The following KLHL14 variants were observed in gnomAD, a reference collection of about 807,000 sequenced individuals.
KLHL14 encodes the protein kelch-like protein 14.
A neutral mutation model predicts 64.3 loss-of-function variants in KLHL14; 22 were observed. That is an observed-to-expected ratio of 0.34 (90% CI 0.24 to 0.49). The LOEUF (loss-of-function observed/expected upper bound fraction) is 0.49. KLHL14 is among the 20% of genes least tolerant of loss of function. KLHL14 has a pLI of 0.99. For missense variants in KLHL14, 661 were observed against 789.0 expected, an observed-to-expected ratio of 0.84 and a Z score of 1.94; for synonymous variants, 322 against 333.4, an observed-to-expected ratio of 0.97 and a Z score of 0.37.
chr18:32,719,907 C>A (rs998074275), intron 3 of KLHL14, among the ~76,000 whole-genome samples: 1 of 152,168 alleles, frequency 6.6e-6, no homozygotes, highest in Non-Finnish European at 1.5e-5. Context: ...GCAGCCTGTA[C>A]CTACTTCAAT....
At chr18:32,724,632 G>T (rs1378676526) in intron 3 of KLHL14, among the ~76,000 whole-genome samples, 1 of 152,112 alleles carries the variant, frequency 6.6e-6, no homozygotes, top group Non-Finnish European at 1.5e-5. Context: ...TATTTAATGG[G>T]ATAATTTATG....
Position 32,680,638 on chromosome 18 carries a change from C to T in KLHL14, c.1239-39G>A. On this transcript the variant is annotated intron_variant, in intron 5 of 8. Transcript: ENST00000359358. This position sits in a 1 kb window ranked among gnomAD's most constrained non-coding sequence, Gnocchi z 4.8. The stretch of plus-strand genomic sequence containing the variant: ...AACCCACAGTAAATCACAAGAGGAG[C>T]TGTGAAATGTTACCTTTCGAAATAA... The T allele has an allele frequency of 1.3e-6, 2 of 1,547,796 alleles. No individual in the cohort carries two copies. Among genetic ancestry groups the T allele is most frequent in the Non-Finnish European group, 1.7e-6 (2 of 1,143,736 alleles).
chr18:32,688,728 A>G (rs904349272), intron 4 of KLHL14, among the ~76,000 whole-genome samples: 1 of 152,188 alleles, frequency 6.6e-6, no homozygotes, highest in Non-Finnish European at 1.5e-5. Context: ...AGGATTTTAT[A>G]TTTTGTTATA....
intron 2 of KLHL14, among the ~76,000 whole-genome samples, chr18:32,752,301 G>A (rs534652645): frequency 9.9e-5 from 15 of 152,180 alleles, no homozygotes; most frequent in African/African-American, 3.4e-4. Flanking sequence ...TTCAGTCAGT[G>A]GGGTGGAGGT....
intron 2 of KLHL14, among the ~76,000 whole-genome samples, chr18:32,745,880 G>C (rs1284478617): frequency 6.6e-6 from 1 of 152,186 alleles, no homozygotes; most frequent in Non-Finnish European, 1.5e-5. Context: ...CTGTGAACTA[G>C]AAAAGTAAAA....
rs998539578 is a variant in KLHL14, at chr18:32,674,098, T to G, written c.*559A>C. On this transcript the variant is annotated 3_prime_UTR_variant, in exon 9 of 9. Transcript: ENST00000359358. ...AGGGCAGAAGGTGTATGAAATGAAG[T>G]TGTATAGAAACGAAAATGCCTCTCT... The G allele has an allele frequency of 6.6e-6, 1 of 152,306 alleles. No homozygotes were observed. Among genetic ancestry groups the G allele is most frequent in the African/African-American group, 2.4e-5 (1 of 41,454 alleles). The allele number at this position is 152,306 out of a possible 1,614,324, so 9.4% of individuals were successfully genotyped here.
At chr18:32,761,330 C>T (rs967879800) in intron 2 of KLHL14, among the ~76,000 whole-genome samples, 1 of 151,080 alleles carries the variant, frequency 6.6e-6, no homozygotes, top group Non-Finnish European at 1.5e-5. Context: ...TAATCCTTAG[C>T]AGGGCCTACA....
At chr18:32,716,451 G>C (rs1422766322) in intron 3 of KLHL14, among the ~76,000 whole-genome samples, 2 of 150,396 alleles carry the variant, frequency 1.3e-5, no homozygotes, top group Admixed American at 6.6e-5. Context: ...TTTCGCTCTT[G>C]TCGCCCAGGC....
chr18:32,726,981 C>T (rs955917372), intron 3 of KLHL14, among the ~76,000 whole-genome samples: 3 of 152,164 alleles, frequency 2.0e-5, no homozygotes, highest in African/African-American at 7.2e-5. Context: ...GTCACATATG[C>T]TTGAGGGGCA....
chr18:32,738,047 G>T (rs548996622), intron 3 of KLHL14: 1 of 152,164 alleles, frequency 6.6e-6, no homozygotes, highest in Non-Finnish European at 1.5e-5. Flanking sequence ...CTAATAAATA[G>T]AATCTCTTAT....
intron 8 of KLHL14, among the ~76,000 whole-genome samples, chr18:32,675,632 T>C (rs1438852118): frequency 6.6e-6 from 1 of 152,182 alleles, no homozygotes; most frequent in African/African-American, 2.4e-5. Flanking sequence ...ATGTCCTTAA[T>C]CTTGTTTTCT....
At chr18:32,757,260 CTCT>C (rs2050286804) in intron 2 of KLHL14, among the ~76,000 whole-genome samples, 2 of 152,226 alleles carry the variant, frequency 1.3e-5, no homozygotes, top group African/African-American at 4.8e-5. Flanking sequence ...AAAGTAATTT[CTCT>C]TCAAGAGCAG....
At chr18:32,687,271 C>A in intron 4 of KLHL14, 38 bp from the exon 5 acceptor site, 2 of 1,523,474 alleles carry the variant, frequency 1.3e-6, no homozygotes, top group Non-Finnish European at 1.8e-6. Flanking sequence ...AACTTAGATT[C>A]TTTTGTTGAT....
rs144843847 is a variant in KLHL14, at chr18:32,680,566, C to T, written c.1272G>A (p.Lys424=). 28 of 1,613,030 alleles carry T rather than the reference C, an allele frequency of 1.7e-5. No homozygotes were observed. Among genetic ancestry groups the T allele is most frequent in the Non-Finnish European group, 2.3e-5 (27 of 1,179,556 alleles). ...RASFYACRLD[K]HLYVIGGRNE... ...TCCTTCCACCAATTACGTATAAATG[C>T]TTGTCCAACCGACATGCATAGAAAC... Residue 424 remains lysine (K), a synonymous_variant, in exon 6 of 9, where the codon AAG becomes AAA. Transcript: ENST00000359358. The surrounding 1 kb of genome is among the most constrained non-coding windows in gnomAD (Gnocchi z 4.8).
Position 32,769,715 on chromosome 18 carries a change from G to T in KLHL14, c.877C>A (p.Leu293Met). The T allele has an allele frequency of 6.3e-7, 1 of 1,582,974 alleles. No homozygotes were observed. The highest frequency in any genetic ancestry group is 8.6e-7 in the Non-Finnish European group (1 of 1,162,412). The change falls in exon 2 of 9, where the codon CTG becomes ATG. Residue 293 changes from leucine to methionine, a missense_variant. By Grantham distance (15) the Leu-to-Met change is conservative. Transcript: ENST00000359358. The part of the protein sequence containing the change: ...FMRTDPVCQK[L>M]LLDAMNYHLM... ...TGGTAGTTCATGGCGTCCAGCAGCA[G>T]CTTCTGGCAGACCGGGTCGGTTCGC...
intron 2 of KLHL14, among the ~76,000 whole-genome samples, chr18:32,757,318 G>A (rs1027378488): frequency 2.6e-5 from 4 of 152,184 alleles, no homozygotes; most frequent in Non-Finnish European, 5.9e-5. Context: ...CCAGGAGACT[G>A]TAGCAAAGGA....
intron 3 of KLHL14, among the ~76,000 whole-genome samples, chr18:32,725,647 T>TG (rs943163202): frequency 7.9e-5 from 12 of 152,118 alleles, no homozygotes; most frequent in Non-Finnish European, 1.5e-4. Context: ...GAGCTAGGCA[T>TG]GGGGGAGCTG....
At chr18:32,751,199 G>A (rs1456192280) in intron 2 of KLHL14, among the ~76,000 whole-genome samples, 1 of 152,156 alleles carries the variant, frequency 6.6e-6, no homozygotes, top group East Asian at 1.9e-4. Context: ...CAGCCAGAAT[G>A]GTACCCAAAA....
intron 3 of KLHL14, among the ~76,000 whole-genome samples, chr18:32,729,503 T>C (rs2140447): frequency 0.24 from 36,951 of 152,150 alleles, 4,691 homozygotes; most frequent in Middle Eastern, 0.32. Context: ...GATATTTACA[T>C]TGTAATAGGA....
Sources: allele counts gnomAD v4.1 joint callset (sites outside exome capture counted in the v4.1 genomes callset), GRCh38; gene constraint gnomAD v4.1.1; non-coding constraint Gnocchi (gnomAD v3.1); transcripts MANE v1.5; gene names NCBI Gene and HGNC (gene_info 2026-07-23, HGNC 2026-07-21).